The following FBN3 variants were observed in gnomAD, a reference collection of about 807,000 sequenced individuals.
FBN3 encodes the protein fibrillin 3, also known as fibrillin-3.
FBN3 carries 234 observed loss-of-function variants against 330.1 expected under a neutral mutation model. That is an observed-to-expected ratio of 0.71 (90% confidence interval 0.64 to 0.79). The LOEUF (loss-of-function observed/expected upper bound fraction) is 0.79. FBN3 is among the 30% of genes least tolerant of loss of function. FBN3 has a pLI of 0.00. For synonymous variants in FBN3, 1,458 were observed against 1,517.3 expected (o/e 0.96, Z 0.91); for missense variants, 3,606 against 3,886.9 (o/e 0.93, Z 1.92).
chr19:8,132,066 T>G (rs559772236), intron 14 of FBN3, among the ~76,000 whole-genome samples: 4 of 152,234 alleles, frequency 2.6e-5, no homozygotes, highest in African/African-American at 9.6e-5. Flanking sequence ...AAACAAATTT[T>G]TTAAACGCAG....
At position 8,136,078 on chromosome 19, in the gene FBN3, C is replaced by G. The variant is rs143434557; in HGVS notation, c.1474G>C (p.Glu492Gln). 3 of 1,613,988 alleles carry G rather than the reference C, an allele frequency of 1.9e-6. No individual in the cohort carries two copies. Among genetic ancestry groups the G allele is most frequent in the Admixed American group, 3.3e-5 (2 of 60,002 alleles). ...PTRQACVDVDECIVSGGLCHL... is the reference protein window; with the variant it reads ...PTRQACVDVDQCIVSGGLCHL... ...CAAAGGCCACCACTGACAATGCACT[C>G]GTCCACATCTGCGGGGAAGGCAGGC... The change falls in exon 13 of 64, where the codon GAG becomes CAG. Residue 492 changes from glutamate to glutamine, a missense_variant. By Grantham distance (29) the Glu-to-Gln change is conservative. Transcript: ENST00000600128.
intron 57 of FBN3, 25 bp downstream of exon 57, chr19:8,083,222 T>C (rs757857876): frequency 6.2e-7 from 1 of 1,613,400 alleles, no homozygotes; most frequent in Admixed American, 1.7e-5. Context: ...GGGCCAAGGG[T>C]GCAGGTGCAG....
At position 8,090,121 on chromosome 19, in the gene FBN3, T is replaced by A; in HGVS notation, c.6162A>T (p.Glu2054Asp). 1 of 1,613,706 alleles carries A rather than the reference T, an allele frequency of 6.2e-7. No homozygotes were observed. The highest frequency in any genetic ancestry group is 1.3e-5 in the African/African-American group (1 of 74,914). ...CACCGCTGCCCTCCTGGGGACACAG[T>A]TCGCAGGGGTCTCCCCAGCCCTCCC... The part of the protein sequence containing the change: ...RPGEGWGDPC[E>D]LCPQEGSAAF... Residue 2054 changes from glutamate (E) to aspartate (D), a missense_variant, in exon 49 of 64, where the codon GAA (glutamate) becomes GAT (aspartate). By Grantham distance (45) the Glu-to-Asp change is conservative. Coordinates refer to ENST00000600128, the MANE Select transcript of FBN3 (RefSeq NM_032447.5).
At chr19:8,115,744 GC>G in intron 29 of FBN3, 104 bp from the exon 30 acceptor site, 8 of 1,328,840 alleles carry the variant, frequency 6.0e-6, no homozygotes, top group Non-Finnish European at 8.5e-6. Context: ...TGACTGTCCC[GC>G]CGCACAGGTC....
rs371816658 is a variant in FBN3, at chr19:8,126,794, C to T, written c.2335G>A (p.Val779Ile). 5.4e-5 allele frequency: 85 copies of T among 1,587,450 alleles called. No individual in the cohort carries two copies. Among genetic ancestry groups the T allele is most frequent in the African/African-American group, 2.6e-4 (19 of 73,866 alleles). ...TAGGAGCCGGCCAGGTTCCGACAGA[C>T]GCCACTCACACACGGGCTGGACAGG... The part of the protein sequence containing the change: ...ECLSSPCVSG[V>I]CRNLAGSYTC... The change falls in exon 19 of 64, where the codon GTC becomes ATC. Residue 779 changes from valine to isoleucine, a missense_variant. Physicochemically the swap from Val to Ile is conservative, Grantham distance 29. Coordinates refer to ENST00000600128, the MANE Select transcript of FBN3 (RefSeq NM_032447.5).
chr19:8,083,402 G>C, intron 56 of FBN3, 30 bp from the exon 57 acceptor site: 1 of 1,612,570 alleles, frequency 6.2e-7, no homozygotes, highest in Non-Finnish European at 8.5e-7. Flanking sequence ...AAATGGGGCT[G>C]GCTGGCTGCT....
At chr19:8,147,536 C>T (rs997323290) in intron 1 of FBN3, 39 bp from the exon 2 acceptor site, 4 of 1,398,188 alleles carry the variant, frequency 2.9e-6, no homozygotes, top group South Asian at 1.7e-5. Flanking sequence ...GATGAGCCCC[C>T]CACCCTAGCC....
At chr19:8,105,676 A>G (rs2082422532) in intron 38 of FBN3, among the ~76,000 whole-genome samples, 1 of 152,242 alleles carries the variant, frequency 6.6e-6, no homozygotes, top group Non-Finnish European at 1.5e-5. Flanking sequence ...AGGTAGTGGA[A>G]TATTAGCATG....
intron 59 of FBN3, among the ~76,000 whole-genome samples, chr19:8,078,346 C>T (rs1283170019): frequency 2.0e-5 from 3 of 152,168 alleles, no homozygotes; most frequent in Non-Finnish European, 2.9e-5. Context: ...CCAATCGTGG[C>T]GACAGAGACC....
In FBN3 at chr19:8,096,294, G is replaced by T; in HGVS notation, c.5539+150C>A. 2 of 1,035,016 alleles carry T rather than the reference G, an allele frequency of 1.9e-6. No individual in the cohort carries two copies. Among genetic ancestry groups the T allele is most frequent in the Non-Finnish European group, 2.8e-6 (2 of 714,118 alleles). 64.1% of individuals were successfully genotyped at this position (1,035,016 alleles called of 1,614,324 possible). On this transcript the variant is annotated intron_variant, in intron 44 of 63. Transcript: ENST00000600128. This position sits in a 1 kb window ranked among gnomAD's most constrained non-coding sequence, Gnocchi z 4.6. Reference sequence around the variant, plus strand: ...GGGAAAACTGAGGCACAGGGAGGCAGATCAACCATTTACCCAAGATCTTAA... The same window carrying T: ...GGGAAAACTGAGGCACAGGGAGGCATATCAACCATTTACCCAAGATCTTAA...
intron 6 of FBN3, 21 bp from the exon 7 acceptor site, chr19:8,142,158 G>C (rs753959181): frequency 6.3e-7 from 1 of 1,583,542 alleles, no homozygotes; most frequent in Non-Finnish European, 8.6e-7. Flanking sequence ...GACAGATGTG[G>C]GTACCTGGCT....
At chr19:8,070,967 A>T (rs528344376) in intron 63 of FBN3, among the ~76,000 whole-genome samples, 282 of 151,632 alleles carry the variant, frequency 1.9e-3, no homozygotes, top group African/African-American at 6.4e-3. Flanking sequence ...GATTGCGGTC[A>T]GCCGAGATCA....
At chr19:8,136,552 G>C in intron 10 of FBN3, 21 bp from the exon 11 acceptor site, 1 of 1,613,562 alleles carries the variant, frequency 6.2e-7, no homozygotes, top group South Asian at 1.1e-5. Context: ...GGCCGGCAGA[G>C]GCATCTGAGC....
chr19:8,091,641 A>C (rs2144699808), intron 47 of FBN3, 51 bp from the exon 48 acceptor site: 1 of 1,599,490 alleles, frequency 6.3e-7, no homozygotes, highest in Non-Finnish European at 8.5e-7. Flanking sequence ...GACCTCCATC[A>C]GTGGGGAGAG....
chr19:8,122,024 T>G (rs1470618243), intron 24 of FBN3, among the ~76,000 whole-genome samples: 1 of 151,750 alleles, frequency 6.6e-6, no homozygotes, highest in Non-Finnish European at 1.5e-5. Context: ...GCTAGGATTA[T>G]AGGTGTGAGC....
intron 3 of FBN3, 68 bp from the exon 4 acceptor site, chr19:8,146,293 TCCGGGCTGG>T: frequency 7.2e-7 from 1 of 1,391,722 alleles, no homozygotes; most frequent in South Asian, 1.2e-5. Context: ...TCCATTGGTG[TCCGGGCTGG>T]CCGGAACACC....
At chr19:8,108,519 G>C (rs946536168) in intron 36 of FBN3, among the ~76,000 whole-genome samples, 36 of 151,990 alleles carry the variant, frequency 2.4e-4, no homozygotes, top group Non-Finnish European at 4.4e-4. Context: ...GTAGTGGCTG[G>C]GGGTAGGAGG....
intron 59 of FBN3, among the ~76,000 whole-genome samples, chr19:8,076,451 C>T (rs371843629): frequency 1.3e-5 from 2 of 152,110 alleles, no homozygotes; most frequent in East Asian, 1.9e-4. Flanking sequence ...GCCTGACCAA[C>T]ATGGTGAAGC....
intron 1 of FBN3, 139 bp from the exon 2 acceptor site, chr19:8,147,636 C>T: frequency 3.3e-6 from 2 of 613,742 alleles, no homozygotes; most frequent in Non-Finnish European, 5.1e-6. Context: ...CATCCAGCCC[C>T]AACCGGGAAG....
Sources: allele counts gnomAD v4.1 joint callset (sites outside exome capture counted in the v4.1 genomes callset), GRCh38; gene constraint gnomAD v4.1.1; non-coding constraint Gnocchi (gnomAD v3.1); transcripts MANE v1.5; gene names NCBI Gene and HGNC (gene_info 2026-07-23, HGNC 2026-07-21).